FBXO34: variants seen among roughly 807,000 people sequenced by gnomAD.
FBXO34 encodes the protein F-box protein 34, also known as F-box only protein 34.
FBXO34 carries 12 observed loss-of-function variants against 24.5 expected under a neutral mutation model. The observed-to-expected ratio is 0.49, with a 90% CI of 0.31 to 0.79. The LOEUF (loss-of-function observed/expected upper bound fraction) is 0.79. Among genes scored for constraint, FBXO34 ranks in the 30% least tolerant of loss-of-function variants. FBXO34 has a pLI of 0.04. For missense variants in FBXO34, 823 were observed against 857.7 expected (o/e 0.96, Z 0.51); for synonymous variants, 320 against 311.9 (o/e 1.03, Z -0.27).
chr14:55,331,140 T>C (rs991218455), intron 1 of FBXO34, among the ~76,000 whole-genome samples: 3 of 152,200 alleles, frequency 2.0e-5, no homozygotes, highest in African/African-American at 7.2e-5. Context: ...AGGTTACAGA[T>C]TGGGCTTCTA....
the FBXO34 span, chr14:55,428,913 G>A: frequency 6.2e-7 from 1 of 1,614,114 alleles, no homozygotes; most frequent in South Asian, 1.1e-5. Context: ...AATCTGGCAG[G>A]GAACCCAAGC....
At chr14:55,377,324 G>A in the FBXO34 span, among the ~76,000 whole-genome samples, 7 of 152,114 alleles carry the variant, frequency 4.6e-5, no homozygotes, top group African/African-American at 1.7e-4. Flanking sequence ...TCTAGCCTGG[G>A]TGACAAGGGT....
At chr14:55,324,157 C>G (rs1883264253) in intron 1 of FBXO34, among the ~76,000 whole-genome samples, 1 of 151,542 alleles carries the variant, frequency 6.6e-6, no homozygotes, top group African/African-American at 2.4e-5. Flanking sequence ...ATTGCTTCTT[C>G]TGGACACTTC....
chr14:55,273,438 AGTT>A lies in FBXO34; in HGVS notation c.-11+1905_-11+1907del, dbSNP rs538177153. On this transcript the variant is annotated intron_variant, in intron 1 of 1. Transcript: ENST00000313833. ...TGACAGCATTGTGTGCGCTACTGAA[AGTT>A]GTTCTGGTTTTTTCTTCCTTCTTTT... 1.2e-3 allele frequency among the ~76,000 whole-genome samples: 185 copies of A among 152,288 alleles called. No individual in the cohort carries two copies. In the Middle Eastern group the frequency reaches 0.017, roughly 14 times the overall value.
the FBXO34 span, chr14:55,380,629 C>G: frequency 6.2e-7 from 1 of 1,613,230 alleles, no homozygotes; most frequent in East Asian, 2.2e-5. Flanking sequence ...GAATGTTGAC[C>G]AGCTGAGTTG....
the FBXO34 span, among the ~76,000 whole-genome samples, chr14:55,398,079 C>G: frequency 1.3e-5 from 2 of 151,708 alleles, no homozygotes; most frequent in Non-Finnish European, 2.9e-5. Context: ...TCCCAAGCAG[C>G]TGGGACTACA....
At chr14:55,392,702 T>C in the FBXO34 span, among the ~76,000 whole-genome samples, 2 of 151,536 alleles carry the variant, frequency 1.3e-5, no homozygotes, top group Non-Finnish European at 1.5e-5. Flanking sequence ...AGAATGATTA[T>C]TCTCTAATGA....
At chr14:55,337,327 A>G (rs530888588) in intron 1 of FBXO34, among the ~76,000 whole-genome samples, 37 of 152,278 alleles carry the variant, frequency 2.4e-4, no homozygotes, top group African/African-American at 7.7e-4. Flanking sequence ...AGCATTTCTC[A>G]TTCTATGGAA....
intron 1 of FBXO34, among the ~76,000 whole-genome samples, chr14:55,339,276 G>T (rs1883902990): frequency 2.0e-5 from 3 of 151,656 alleles, no homozygotes; most frequent in Non-Finnish European, 4.4e-5. Flanking sequence ...GTGATAAAAA[G>T]TACATTGTAT....
the FBXO34 span, among the ~76,000 whole-genome samples, chr14:55,439,827 A>T: frequency 6.7e-6 from 1 of 149,920 alleles, no homozygotes. Flanking sequence ...GCTACTCGGG[A>T]GGCTGAGGTA....
chr14:55,369,360 GTCC>G (rs899325942), downstream of FBXO34: 1 of 298,758 alleles, frequency 3.3e-6, no homozygotes, highest in African/African-American at 2.2e-5. Flanking sequence ...ACACGCACAG[GTCC>G]TCCTTCCACC....
chr14:55,332,869 T>C (rs1883646533), intron 1 of FBXO34, among the ~76,000 whole-genome samples: 2 of 152,276 alleles, frequency 1.3e-5, no homozygotes, highest in Admixed American at 6.5e-5. Context: ...GCACTGTTTG[T>C]GGTGACATGA....
chr14:55,333,681 C>T (rs1883675178), intron 1 of FBXO34, among the ~76,000 whole-genome samples: 1 of 148,332 alleles, frequency 6.7e-6, no homozygotes, highest in Admixed American at 6.7e-5. Flanking sequence ...GTGTAGGAGT[C>T]TTTTTTATCA....
chr14:55,295,576 A>G (rs189209704), intron 1 of FBXO34, among the ~76,000 whole-genome samples: 75 of 151,934 alleles, frequency 4.9e-4, no homozygotes, highest in African/African-American at 1.7e-3. Flanking sequence ...TTGTATTTTT[A>G]GTAGAGACGG....
chr14:55,393,747 T>A, the FBXO34 span, among the ~76,000 whole-genome samples: 1 of 151,996 alleles, frequency 6.6e-6, no homozygotes, highest in Non-Finnish European at 1.5e-5. Flanking sequence ...GATATGGGGT[T>A]TTGCCATGTT....
At chr14:55,414,030 GCCTCA>G in the FBXO34 span, 1 of 540,458 alleles carries the variant, frequency 1.9e-6, no homozygotes, top group South Asian at 1.4e-5. Context: ...TGTATCAGGT[GCCTCA>G]CCTCTTTCCC....
intron 1 of FBXO34, among the ~76,000 whole-genome samples, chr14:55,286,057 G>T (rs1004679731): frequency 3.3e-5 from 5 of 152,210 alleles, no homozygotes; most frequent in Non-Finnish European, 7.3e-5. Flanking sequence ...TATTCATGGA[G>T]AATGCTGTAT....
chr14:55,410,966 T>C, the FBXO34 span, among the ~76,000 whole-genome samples: 1 of 152,188 alleles, frequency 6.6e-6, no homozygotes. Context: ...CTAAAGGCAA[T>C]TCTCTTAACT....
At chr14:55,310,945 G>GA (rs201964761) in intron 1 of FBXO34, among the ~76,000 whole-genome samples, 1,930 of 141,258 alleles carry the variant, frequency 0.014, 18 homozygotes, top group Middle Eastern at 0.054. Context: ...TCACTGCAAG[G>GA]AAAAAAAAAA....
Sources: allele counts gnomAD v4.1 joint callset (sites outside exome capture counted in the v4.1 genomes callset), GRCh38; gene constraint gnomAD v4.1.1; transcripts MANE v1.5; gene names NCBI Gene and HGNC (gene_info 2026-07-23, HGNC 2026-07-21).